Variants in PDE6B observed in about 807,000 individuals in gnomAD.
PDE6B encodes the protein rod cGMP-specific 3',5'-cyclic phosphodiesterase subunit beta.
Under a neutral mutation model 109.0 loss-of-function variants are expected in PDE6B, and 106 were observed. The ratio of observed to expected loss-of-function variants is 0.97; its 90% CI spans 0.83 to 1.14. PDE6B has a LOEUF of 1.14. Among genes scored for constraint, PDE6B ranks in the 50% most tolerant of loss-of-function variants. PDE6B has a pLI of 0.00. For missense variants in PDE6B, 1,193 were observed against 1,155.6 expected, an observed-to-expected ratio of 1.03 and a Z score of -0.47; for synonymous variants, 490 against 471.3, an observed-to-expected ratio of 1.04 and a Z score of -0.51.
intron 3 of PDE6B, chr4:653,425 C>A: frequency 1.2e-6 from 1 of 856,218 alleles, no homozygotes; most frequent in Non-Finnish European, 1.6e-6. Context: ...GTCAGCAATG[C>A]TTCACTCTCA....
In PDE6B at chr4:626,182, C is replaced by T. The variant is rs1312063599; in HGVS notation, c.468+88C>T. On this transcript the variant is annotated intron_variant, in intron 1 of 21. Transcript: ENST00000496514. This position sits in a 1 kb window ranked among gnomAD's most constrained non-coding sequence, Gnocchi z 4.6. Reference sequence around the variant, plus strand: ...CTAAGGGTCAGCTCGGATCCTCAGGCCTCCAGGGAGGCCTCTTGTCAGGGC... The same window carrying T: ...CTAAGGGTCAGCTCGGATCCTCAGGTCTCCAGGGAGGCCTCTTGTCAGGGC... The T allele has an allele frequency of 2.4e-6, 2 of 825,236 alleles. No homozygotes were observed. The highest frequency in any genetic ancestry group is 3.4e-5 in the African/African-American group (2 of 59,136). The allele number at this position is 825,236 out of a possible 1,614,324, so 51.1% of individuals were successfully genotyped here.
intron 3 of PDE6B, among the ~76,000 whole-genome samples, chr4:638,768 G>C (rs1734811115): frequency 1.3e-5 from 2 of 152,190 alleles, no homozygotes; most frequent in African/African-American, 4.8e-5. Context: ...TAATGAGGGG[G>C]GCTGGGCCTG....
intron 12 of PDE6B, chr4:661,107 G>A: frequency 5.5e-5 from 8 of 146,634 alleles, no homozygotes; most frequent in Admixed American, 2.1e-4. Flanking sequence ...GGAGAAGTGG[G>A]TGGATGAGTG....
In PDE6B at chr4:625,823, T is replaced by C. The variant is rs1338435497; in HGVS notation, c.197T>C (p.Met66Thr). 3.7e-6 allele frequency: 6 copies of C among 1,613,162 alleles called. No individual in the cohort carries two copies. The highest frequency in any genetic ancestry group is 5.1e-6 in the Non-Finnish European group (6 of 1,179,918). Residue 66 changes from methionine to threonine, a missense_variant, in exon 1 of 22, where the codon ATG becomes ACG. Coordinates refer to ENST00000496514, the MANE Select transcript of PDE6B (RefSeq NM_000283.4). This position sits in a 1 kb window ranked among gnomAD's most constrained non-coding sequence, Gnocchi z 5.0. ...STALLELVQDMQESINMERVV... is the reference protein window; with the variant it reads ...STALLELVQDTQESINMERVV... Reference sequence around the variant, plus strand: ...GCGCTGCTGGAGCTGGTGCAGGATATGCAGGAGAGCATCAACATGGAGCGC... The same window carrying C: ...GCGCTGCTGGAGCTGGTGCAGGATACGCAGGAGAGCATCAACATGGAGCGC...
chr4:663,925 C>A lies in PDE6B; in HGVS notation c.2021+55C>A, dbSNP rs1393737206. 3 of 1,352,680 alleles carry A rather than the reference C, an allele frequency of 2.2e-6. No individual in the cohort carries two copies. Among genetic ancestry groups the A allele is most frequent in the South Asian group, 2.5e-5 (2 of 81,346 alleles). 83.8% of individuals were successfully genotyped at this position (1,352,680 alleles called of 1,614,324 possible). The stretch of plus-strand genomic sequence containing the variant: ...CGGGGCGGGCGGGTAGCCTGGGACC[C>A]CCGGCAGACACGGGGGCGCAGCGGC... On this transcript the variant is annotated intron_variant, in intron 16 of 21. Coordinates refer to ENST00000496514, the MANE Select transcript of PDE6B (RefSeq NM_000283.4). The surrounding 1 kb of genome is among the most constrained non-coding windows in gnomAD (Gnocchi z 4.0).
chr4:655,668 G>A (rs1387386086), intron 6 of PDE6B: 2 of 564,512 alleles, frequency 3.5e-6, no homozygotes, highest in East Asian at 3.1e-5. Context: ...GAGAGTAAAT[G>A]CTGAGGATGG....
rs1022833793 is a variant in PDE6B at position 633,288 on chromosome 4, C to G, written c.469-1389C>G. ...TGGCTCCACTGCCCACGCTGCCACC[C>G]CTGCCAGGGCTCACTCACCCGTCTT... On this transcript the variant is annotated intron_variant, in intron 1 of 21. Transcript: ENST00000496514. The surrounding 1 kb of genome is among the most constrained non-coding windows in gnomAD (Gnocchi z 4.5). Among the ~76,000 whole-genome samples, 8 of 152,168 alleles carry G rather than the reference C, an allele frequency of 5.3e-5. No homozygotes were observed. Among genetic ancestry groups the G allele is most frequent in the Admixed American group, 3.3e-4 (5 of 15,282 alleles).
chr4:660,965 G>GTAGTTGAA (rs1169570784), intron 12 of PDE6B, among the ~76,000 whole-genome samples: 1 of 149,902 alleles, frequency 6.7e-6, no homozygotes, highest in East Asian at 2.1e-4. Flanking sequence ...GATGCCAATG[G>GTAGTTGAA]TAGTTGGATA....
At chr4:667,437 A>G (rs1414659034) in intron 20 of PDE6B, among the ~76,000 whole-genome samples, 7 of 152,052 alleles carry the variant, frequency 4.6e-5, no homozygotes, top group South Asian at 2.1e-4. Flanking sequence ...GCCACACTCC[A>G]TGTGTGATGT....
At chr4:630,465 G>C (rs1357122901) in intron 1 of PDE6B, among the ~76,000 whole-genome samples, 1 of 152,158 alleles carries the variant, frequency 6.6e-6, no homozygotes, top group African/African-American at 2.4e-5. Context: ...TGAGAGAGTG[G>C]CCGGATGTTT....
rs1736223072 is a variant in PDE6B, at chr4:656,225, T to C, written c.1060-20T>C. On this transcript the variant is annotated intron_variant, in intron 7 of 21. Transcript: ENST00000496514. ...CCTTCCGCTGTTTTGGATGAAATCG[T>C]TTTTCTGATGCTTTTTCAGATTTGT... is the stretch of plus-strand genomic sequence containing the variant. 2 of 1,573,588 alleles carry C rather than the reference T, an allele frequency of 1.3e-6. No individual in the cohort carries two copies. Among genetic ancestry groups the C allele is most frequent in the South Asian group, 2.2e-5 (2 of 90,310 alleles).
At chr4:646,833 G>A (rs572638088) in intron 3 of PDE6B, among the ~76,000 whole-genome samples, 3 of 151,574 alleles carry the variant, frequency 2.0e-5, no homozygotes, top group Non-Finnish European at 2.9e-5. Context: ...TTCTAGTAGC[G>A]CCTTTAGCAT....
rs1240355410 is a variant in PDE6B, at chr4:633,268, C to T, written c.469-1409C>T. Among the ~76,000 whole-genome samples, 2 of 152,156 alleles carry T rather than the reference C, an allele frequency of 1.3e-5. No homozygotes were observed. The highest frequency in any genetic ancestry group is 2.9e-5 in the Non-Finnish European group (2 of 68,020). ...CAGATCCAATAAAGGGATGCTGGCT[C>T]CACTGCCCACGCTGCCACCCCTGCC... On this transcript the variant is annotated intron_variant, in intron 1 of 21. Transcript: ENST00000496514. The surrounding 1 kb of genome is among the most constrained non-coding windows in gnomAD (Gnocchi z 4.5).
At position 630,292 on chromosome 4, in the gene PDE6B, C is replaced by T. The variant is rs138180207; in HGVS notation, c.468+4198C>T. Among the ~76,000 whole-genome samples, 10 of 152,080 alleles carry T rather than the reference C, an allele frequency of 6.6e-5. No individual in the cohort carries two copies. The East Asian group carries it at 1.4e-3, about 21-fold the overall frequency. ...CAGGAAGTGAAGGCTGGGCTGGGGT[C>T]GGGCTGCTGGGCCACGAGGGGCAGC... is the stretch of plus-strand genomic sequence containing the variant. On this transcript the variant is annotated intron_variant, in intron 1 of 21. Transcript: ENST00000496514.
chr4:630,116 C>T (rs1039862258), intron 1 of PDE6B, among the ~76,000 whole-genome samples: 3 of 152,230 alleles, frequency 2.0e-5, no homozygotes, highest in South Asian at 4.2e-4. Flanking sequence ...AGAGGAGAGA[C>T]GGGGGGCCAG....
chr4:663,820 C>A lies in PDE6B; in HGVS notation c.1971C>A (p.Ile657=), dbSNP rs1737437131. 6.2e-6 allele frequency: 10 copies of A among 1,612,578 alleles called. No individual in the cohort carries two copies. The highest frequency in any genetic ancestry group is 2.2e-5 in the East Asian group (1 of 44,856). The change falls in exon 16 of 22, where the codon ATC becomes ATA. Residue 657 remains isoleucine (I), a synonymous_variant. Transcript: ENST00000496514. This position sits in a 1 kb window ranked among gnomAD's most constrained non-coding sequence, Gnocchi z 4.0. The stretch of plus-strand genomic sequence containing the variant: ...ACCGGCGGCAGCACGAGCACGTGAT[C>A]CACCTGATGGACATCGCCATCATCG... ...NLNRRQHEHV[I]HLMDIAIIAT...
intron 3 of PDE6B, among the ~76,000 whole-genome samples, chr4:639,235 C>T (rs1734834936): frequency 6.6e-6 from 1 of 151,828 alleles, no homozygotes; most frequent in Admixed American, 6.6e-5. Flanking sequence ...GCCTCAAACT[C>T]CTGGGCTCAA....
In PDE6B at chr4:633,450, G is replaced by A. The variant is rs910770364; in HGVS notation, c.469-1227G>A. On this transcript the variant is annotated intron_variant, in intron 1 of 21. Transcript: ENST00000496514. This position sits in a 1 kb window ranked among gnomAD's most constrained non-coding sequence, Gnocchi z 4.5. The stretch of plus-strand genomic sequence containing the variant: ...CCATTTAGGAGCACGCTAGCACCTC[G>A]GCCAGCCCCCAGCAGGCTTCCTCTG... Among the ~76,000 whole-genome samples the A allele has an allele frequency of 1.3e-5, 2 of 152,170 alleles. No individual in the cohort carries two copies. Among genetic ancestry groups the A allele is most frequent in the Non-Finnish European group, 2.9e-5 (2 of 68,026 alleles).
At position 668,513 on chromosome 4, in the gene PDE6B, A is replaced by G. The variant is rs1429592806; in HGVS notation, c.2503+507A>G. Among the ~76,000 whole-genome samples the G allele has an allele frequency of 1.2e-4, 13 of 109,494 alleles. 1 individual carries two copies. The highest frequency in any genetic ancestry group is 2.0e-4 in the Admixed American group (2 of 10,134). 71.8% of individuals were successfully genotyped at this position (109,494 alleles called of 152,430 possible). A position where few individuals can be genotyped will look rare whatever the true frequency, so the allele number is the denominator to read the frequency against. ...CTACCCCATGCTATTCCCCTACCCCATGCTAGTACCACTACCCCATGCTAT... is the reference window on the plus strand; with the variant it reads ...CTACCCCATGCTATTCCCCTACCCCGTGCTAGTACCACTACCCCATGCTAT... On this transcript the variant is annotated intron_variant, in intron 21 of 21. Coordinates refer to ENST00000496514, the MANE Select transcript of PDE6B (RefSeq NM_000283.4).
Sources: allele counts gnomAD v4.1 joint callset (sites outside exome capture counted in the v4.1 genomes callset), GRCh38; gene constraint gnomAD v4.1.1; non-coding constraint Gnocchi (gnomAD v3.1); transcripts MANE v1.5; gene names NCBI Gene and HGNC (gene_info 2026-07-23, HGNC 2026-07-21).